The following C11orf16 variants were observed in gnomAD, a reference collection of about 807,000 sequenced individuals.
C11orf16 encodes the protein chromosome 11 open reading frame 16, also known as uncharacterized protein C11orf16.
Under a neutral mutation model 45.1 loss-of-function variants are expected in C11orf16, and 38 were observed. The ratio of observed to expected loss-of-function variants is 0.84; its 90% CI spans 0.65 to 1.10. The LOEUF is 1.10. Among genes scored for constraint, C11orf16 ranks in the 50% least tolerant of loss-of-function variants. The pLI, the probability that C11orf16 is intolerant of heterozygous loss-of-function variation, is 0.00. For synonymous variants in C11orf16, 221 were observed against 222.0 expected, an observed-to-expected ratio of 1.00 and a Z score of 0.04; for missense variants, 583 against 569.5, an observed-to-expected ratio of 1.02 and a Z score of -0.24.
At chr11:8,928,769 G>A (rs2064631554) in intron 3 of C11orf16, 3 of 152,588 alleles carry the variant, frequency 2.0e-5, no homozygotes, top group African/African-American at 7.2e-5. Flanking sequence ...TCAAAGTGCT[G>A]GGATTACAGG....
rs751029736 is a variant in C11orf16, at chr11:8,926,080, T to G, written c.587A>C (p.His196Pro). The change falls in exon 5 of 7, where the codon CAT (histidine) becomes CCT (proline). Residue 196 changes from histidine to proline, a missense_variant. Transcript: ENST00000326053. ...RASKEKEITVHFWNGKAAKVP... is the reference protein window; with the variant it reads ...RASKEKEITVPFWNGKAAKVP... ...TTTAGCAGCTTTGCCATTCCAGAAA[T>G]GAACAGTGATTTCTTTTTCCTTTGA... 4 of 1,604,930 alleles carry G rather than the reference T, an allele frequency of 2.5e-6. No homozygotes were observed. The South Asian group carries it at 4.4e-5, about 18-fold the overall frequency.
chr11:8,929,621 C>T, intron 2 of C11orf16, 88 bp from the exon 3 acceptor site: 1 of 1,202,966 alleles, frequency 8.3e-7, no homozygotes, highest in Non-Finnish European at 1.1e-6. Flanking sequence ...ATCTGAGGTA[C>T]ACCACAGCAC....
At chr11:8,929,253 G>A in intron 3 of C11orf16, 124 bp downstream of exon 3, 1 of 989,114 alleles carries the variant, frequency 1.0e-6, no homozygotes, top group South Asian at 1.7e-5. Flanking sequence ...TCTACAACAT[G>A]GCCATGGGAG....
At chr11:8,929,834 C>T (rs1415375766) in intron 2 of C11orf16, among the ~76,000 whole-genome samples, 2 of 152,242 alleles carry the variant, frequency 1.3e-5, no homozygotes, top group South Asian at 2.1e-4. Flanking sequence ...CACTAGACAA[C>T]AGACTGGAAA....
At chr11:8,923,509 T>A (rs1038954883) in intron 5 of C11orf16, among the ~76,000 whole-genome samples, 1 of 152,168 alleles carries the variant, frequency 6.6e-6, no homozygotes. Context: ...CTTTATGCCC[T>A]CTCTACAAGT....
At position 8,929,455 on chromosome 11, in the gene C11orf16, A is replaced by G. The variant is rs151024813; in HGVS notation, c.246T>C (p.Asp82=). The change falls in exon 3 of 7, where the codon GAT becomes GAC. Residue 82 remains aspartate (D), a synonymous_variant. Coordinates refer to ENST00000326053, the MANE Select transcript of C11orf16 (RefSeq NM_020643.3). ...TTGCTAGGACCCATGTGTTGGCAGC[A>G]TCTCCAGCTCTTCCCAGCCAGCCAG... ...QGPGWLGRAG[D]AANTWVLARR... 1.1e-4 allele frequency: 173 copies of G among 1,614,172 alleles called. 1 individual carries two copies. The highest frequency in any genetic ancestry group is 7.1e-4 in the East Asian group (32 of 44,878).
chr11:8,930,578 G>C (rs1191297722), intron 2 of C11orf16, among the ~76,000 whole-genome samples: 1 of 152,096 alleles, frequency 6.6e-6, no homozygotes, highest in Non-Finnish European at 1.5e-5. Context: ...GGATGAGGAA[G>C]TGTTTGGGCA....
At chr11:8,924,725 A>C (rs2064598154) in intron 5 of C11orf16, among the ~76,000 whole-genome samples, 1 of 152,144 alleles carries the variant, frequency 6.6e-6, no homozygotes, top group African/African-American at 2.4e-5. Context: ...AGATACGTTC[A>C]GTGACCCCAG....
Position 8,925,818 on chromosome 11 carries a change from A to G in C11orf16, c.849T>C (p.Cys283=), listed in dbSNP as rs755223709. The G allele has an allele frequency of 1.9e-6, 3 of 1,614,224 alleles. No individual in the cohort carries two copies. In the South Asian group the frequency reaches 3.3e-5, roughly 18 times the overall value. ...CCQLLCQGCL[C]GCPPCGTTWW... ...AAGTCGTGCCACATGGCGGGCAGCC[A>G]CAGAGGCAGCCCTGGCACAGTAGCT... The change falls in exon 5 of 7, where the codon TGT becomes TGC. Residue 283 remains cysteine, a synonymous_variant. Transcript: ENST00000326053.
At position 8,932,179 on chromosome 11, in the gene C11orf16, G is replaced by C. The variant is rs760738798; in HGVS notation, c.130C>G (p.Gln44Glu). The change falls in exon 2 of 7, where the codon CAA (glutamine) becomes GAA (glutamate). Residue 44 changes from glutamine to glutamate, a missense_variant. By Grantham distance (29) the Gln-to-Glu change is conservative. Transcript: ENST00000326053. ...DLSFTYPFAL[Q>E]APWLTGHKPL... Reference sequence around the variant, plus strand: ...TTGTGCCCGGTGAGCCAGGGTGCTTGGAGGGCAAAGGGGTAGGTGAAGGAG... The same window carrying C: ...TTGTGCCCGGTGAGCCAGGGTGCTTCGAGGGCAAAGGGGTAGGTGAAGGAG... 9 of 1,590,772 alleles carry C rather than the reference G, an allele frequency of 5.7e-6. No individual in the cohort carries two copies. In the East Asian group the frequency reaches 1.6e-4, roughly 28 times the overall value.
chr11:8,932,187 A>T lies in C11orf16; in HGVS notation c.122T>A (p.Phe41Tyr). ...GGTGAGCCAGGGTGCTTGGAGGGCA[A>T]AGGGGTAGGTGAAGGAGAGGTCCCA... ...PPWDLSFTYP[F>Y]ALQAPWLTGH... The change falls in exon 2 of 7, where the codon TTT becomes TAT. Residue 41 changes from phenylalanine to tyrosine, a missense_variant. Physicochemically the swap from Phe to Tyr is conservative, Grantham distance 22. Transcript: ENST00000326053. 1 of 1,593,218 alleles carries T rather than the reference A, an allele frequency of 6.3e-7. No individual in the cohort carries two copies. Among genetic ancestry groups the T allele is most frequent in the South Asian group, 1.1e-5 (1 of 87,502 alleles).
In C11orf16 at chr11:8,932,248, G is replaced by T. The variant is rs147009902; in HGVS notation, c.61C>A (p.Leu21Met). The change falls in exon 2 of 7, where the codon CTG (leucine) becomes ATG (methionine). Residue 21 changes from leucine (L) to methionine (M), a missense_variant. Transcript: ENST00000326053. ...LLKYCSVATS[L>M]KAPGWDGAAP... is the part of the protein sequence containing the mutation. ...GCACCGTCCCAGCCAGGGGCCTTCA[G>T]GCTTGTGGCCACGCTGCAGTATTTG... 7,903 of 1,611,092 alleles carry T rather than the reference G, an allele frequency of 4.9e-3. 21 individuals carry two copies. The highest frequency in any genetic ancestry group is 5.5e-3 in the Non-Finnish European group (6,464 of 1,178,866).
chr11:8,920,487 T>C, intron 6 of C11orf16, 37 bp from the exon 7 acceptor site: 3 of 647,320 alleles, frequency 4.6e-6, no homozygotes, highest in Non-Finnish European at 8.3e-6. Flanking sequence ...ATTGTTATGC[T>C]GACTGCAATT....
chr11:8,930,118 CA>C lies in C11orf16; in HGVS notation c.168-586del, dbSNP rs919857055. On this transcript the variant is annotated intron_variant, in intron 2 of 6. Coordinates refer to ENST00000326053, the MANE Select transcript of C11orf16 (RefSeq NM_020643.3). ...CTGGGTGACAAGGTGAGACCCCTAT[CA>C]AAAAAAAGAAAAGAAAAGAGTGCCA... Among the ~76,000 whole-genome samples, 6 of 148,570 alleles carry C rather than the reference CA, an allele frequency of 4.0e-5. No individual in the cohort carries two copies. The South Asian group carries it at 6.4e-4, about 16-fold the overall frequency.
intron 4 of C11orf16, 68 bp from the exon 5 acceptor site, chr11:8,926,175 T>TTTTTC: frequency 2.9e-6 from 4 of 1,378,054 alleles, no homozygotes; most frequent in Admixed American, 2.5e-5. Context: ...CTTTTTTCTT[T>TTTTTC]TTTTCTTTTC....
At chr11:8,926,592 AC>A (rs777213739) in intron 4 of C11orf16, among the ~76,000 whole-genome samples, 3 of 152,162 alleles carry the variant, frequency 2.0e-5, no homozygotes, top group Non-Finnish European at 4.4e-5. Context: ...TCTCTGAATT[AC>A]AATGGTGCTG....
chr11:8,927,534 A>G (rs957025890), intron 3 of C11orf16: 10 of 449,672 alleles, frequency 2.2e-5, no homozygotes, highest in Admixed American at 1.2e-4. Flanking sequence ...TCTCAATGCA[A>G]TCTCCTCCTT....
At chr11:8,925,373 G>C (rs995776906) in intron 5 of C11orf16, 90 bp downstream of exon 5, 2 of 1,163,078 alleles carry the variant, frequency 1.7e-6, no homozygotes, top group African/African-American at 1.5e-5. Context: ...GAGTGGACAC[G>C]TGCATCAAAT....
chr11:8,929,491 T>A lies in C11orf16; in HGVS notation c.210A>T (p.Ala70=), dbSNP rs1211185244. 10 of 1,614,106 alleles carry A rather than the reference T, an allele frequency of 6.2e-6. No individual in the cohort carries two copies. In the East Asian group the frequency reaches 2.0e-4, roughly 32 times the overall value. Residue 70 remains alanine, a synonymous_variant, in exon 3 of 7, where the codon GCA becomes GCT. Coordinates refer to ENST00000326053, the MANE Select transcript of C11orf16 (RefSeq NM_020643.3). Reference sequence around the variant, plus strand: ...TTCCCAGCCAGCCAGGCCCCTGCCATGCTGGGTCGGCAACGTGGAGACATG... The same window carrying A: ...TTCCCAGCCAGCCAGGCCCCTGCCAAGCTGGGTCGGCAACGTGGAGACATG... The part of the protein sequence containing the change: ...SCPCLHVADP[A]WQGPGWLGRA...
Sources: allele counts gnomAD v4.1 joint callset (sites outside exome capture counted in the v4.1 genomes callset), GRCh38; gene constraint gnomAD v4.1.1; transcripts MANE v1.5; gene names NCBI Gene and HGNC (gene_info 2026-07-23, HGNC 2026-07-21).